The following STS variants were observed in gnomAD, a reference collection of about 807,000 sequenced individuals.
STS encodes steryl-sulfatase.
Under a neutral mutation model 26.8 loss-of-function variants are expected in STS, and 7 were observed. That is an observed-to-expected ratio of 0.26 (90% CI 0.15 to 0.49). The LOEUF (loss-of-function observed/expected upper bound fraction) is 0.49, where lower values mean the gene tolerates loss of function less well. Ranked by LOEUF, STS falls within the 20% of genes least tolerant of loss-of-function variation. STS has a pLI of 0.98. For synonymous variants in STS, 199 were observed against 189.4 expected (o/e 1.05, Z -0.42); for missense variants, 434 against 465.6 (o/e 0.93, Z 0.63).
chrX:7,185,221 C>T (rs1404049079), intron 1 of STS, among the ~76,000 whole-genome samples: 2 of 112,767 alleles, frequency 1.8e-5, no homozygotes, highest in African/African-American at 6.4e-5. Flanking sequence ...AACTGTCTTA[C>T]CCACTCATTC....
chrX:7,282,035 A>C lies in STS; in HGVS notation c.943+5948A>C, dbSNP rs1343547847. Among the ~76,000 whole-genome samples the C allele has an allele frequency of 2.7e-5, 3 of 112,593 alleles. No individual in the cohort carries two copies. In the East Asian group the frequency reaches 8.4e-4, roughly 31 times the overall value. Reference sequence around the variant, plus strand: ...AACGCAGATTAATTGGAGAAAAGTCATAAAAACTATATTAACCTGCACACA... The same window carrying C: ...AACGCAGATTAATTGGAGAAAAGTCCTAAAAACTATATTAACCTGCACACA... On this transcript the variant is annotated intron_variant, in intron 7 of 10. Coordinates refer to ENST00000674429, the MANE Select transcript of STS (RefSeq NM_001320752.2).
chrX:7,325,592 C>T, intron 9 of STS, 94 bp downstream of exon 9: 1 of 1,017,864 alleles, frequency 9.8e-7, no homozygotes, highest in Non-Finnish European at 1.4e-6. Context: ...GGGACCAAGG[C>T]CTTTGGCCCC....
chrX:7,276,108 T>A, intron 7 of STS, 21 bp downstream of exon 7: 1 of 1,207,483 alleles, frequency 8.3e-7, no homozygotes, highest in African/African-American at 1.7e-5. Context: ...CCTCAGTGAG[T>A]GCTTAGAAAG....
intron 6 of STS, among the ~76,000 whole-genome samples, chrX:7,266,544 A>G (rs922373818): frequency 1.8e-5 from 2 of 112,063 alleles, no homozygotes; most frequent in Non-Finnish European, 3.8e-5. Context: ...GGATAAATTT[A>G]TCTGGGGGAG....
intron 8 of STS, among the ~76,000 whole-genome samples, chrX:7,324,156 A>G (rs1268966210): frequency 9.4e-6 from 1 of 106,633 alleles, no homozygotes; most frequent in Non-Finnish European, 1.9e-5. Flanking sequence ...AGGTAGCATG[A>G]GTCAAAATCG....
chrX:7,327,885 TAGTC>T (rs1927557479), intron 9 of STS, among the ~76,000 whole-genome samples: 1 of 112,270 alleles, frequency 8.9e-6, no homozygotes, highest in African/African-American at 3.2e-5. Flanking sequence ...TTTGAGGTAG[TAGTC>T]AGATGTACAT....
chrX:7,253,250 C>T lies in STS; in HGVS notation c.51C>T (p.His17=), dbSNP rs150925355. ...TCTTTCTGTGGGAAGCCGAGAGCCA[C>T]GCAGCATCAAGGCCGAACATCATCC... The part of the protein sequence containing the change: ...LLFFLWEAES[H]AASRPNIILV... Residue 17 remains histidine (H), a synonymous_variant, in exon 3 of 11, where the codon CAC becomes CAT. Coordinates refer to ENST00000674429, the MANE Select transcript of STS (RefSeq NM_001320752.2). 20 of 1,209,430 alleles carry T rather than the reference C, an allele frequency of 1.7e-5. No individual in the cohort carries two copies. Among genetic ancestry groups the T allele is most frequent in the African/African-American group, 1.2e-4 (7 of 57,082 alleles).
At chrX:7,303,652 A>T (rs1926079796) in intron 7 of STS, among the ~76,000 whole-genome samples, 1 of 111,590 alleles carries the variant, frequency 9.0e-6, no homozygotes, top group Non-Finnish European at 1.9e-5. Flanking sequence ...GTATGCACTG[A>T]CTTATTAAAT....
chrX:7,310,157 G>T (rs1926412306), intron 8 of STS, among the ~76,000 whole-genome samples: 1 of 112,057 alleles, frequency 8.9e-6, no homozygotes, highest in African/African-American at 3.2e-5. Context: ...ATGTGATTAT[G>T]ATTTTCATAG....
At chrX:7,273,723 A>G (rs1344490410) in intron 6 of STS, among the ~76,000 whole-genome samples, 3 of 111,529 alleles carry the variant, frequency 2.7e-5, no homozygotes, top group African/African-American at 9.8e-5. Flanking sequence ...TTGGGTCTTC[A>G]TTCTCAAGGC....
chrX:7,170,084 G>T, intron 1 of STS, among the ~76,000 whole-genome samples: 1 of 111,661 alleles, frequency 9.0e-6, no homozygotes, highest in East Asian at 2.8e-4. Flanking sequence ...TGATTAAATG[G>T]TCATATAAAG....
chrX:7,208,262 A>G (rs1470091004), intron 2 of STS, among the ~76,000 whole-genome samples: 1 of 112,100 alleles, frequency 8.9e-6, no homozygotes, highest in East Asian at 2.8e-4. Flanking sequence ...AAGAAAAGAG[A>G]TATGCTTATT....
intron 2 of STS, among the ~76,000 whole-genome samples, chrX:7,193,315 C>T (rs779978998): frequency 5.3e-5 from 6 of 112,199 alleles, no homozygotes; most frequent in East Asian, 5.6e-4. Context: ...TGATAATACA[C>T]GGGCTGGCAT....
chrX:7,276,052 A>T lies in STS; in HGVS notation c.908A>T (p.Tyr303Phe). 1.7e-6 allele frequency: 2 copies of T among 1,207,384 alleles called. No homozygotes were observed. The highest frequency in any genetic ancestry group is 3.5e-5 in the South Asian group (2 of 56,744). The change falls in exon 7 of 11, where the codon TAC becomes TTC. Residue 303 changes from tyrosine (Y) to phenylalanine (F), a missense_variant. Tyr to Phe is a conservative substitution (Grantham distance 22). Transcript: ENST00000674429. ...GCTGGCAAAAGTCAACACGGAGTCTACGGGGATGCTGTTGAGGAAATGGAC... is the reference window on the plus strand; with the variant it reads ...GCTGGCAAAAGTCAACACGGAGTCTTCGGGGATGCTGTTGAGGAAATGGAC... ...DFAGKSQHGV[Y>F]GDAVEEMDWS...
intron 8 of STS, among the ~76,000 whole-genome samples, chrX:7,318,432 A>G (rs752961026): frequency 9.0e-6 from 1 of 111,621 alleles, no homozygotes; most frequent in East Asian, 2.8e-4. Context: ...ATGTGTGATC[A>G]TGCTTCCTCC....
intron 2 of STS, among the ~76,000 whole-genome samples, chrX:7,248,567 A>G (rs1337741644): frequency 3.6e-5 from 4 of 112,423 alleles, no homozygotes; most frequent in Non-Finnish European, 7.5e-5. Context: ...AATGCAGGAT[A>G]CATGGCCTCA....
chrX:7,302,868 C>T (rs142038008), intron 7 of STS, among the ~76,000 whole-genome samples: 4,662 of 111,382 alleles, frequency 0.042, 226 homozygotes, highest in African/African-American at 0.14. Flanking sequence ...AGGATGCCTG[C>T]GGCCATTGTA....
chrX:7,252,236 T>C, intron 2 of STS: 1 of 735,570 alleles, frequency 1.4e-6, no homozygotes. Context: ...GACTTGGTTC[T>C]GGAAGTATTT....
intron 1 of STS, among the ~76,000 whole-genome samples, chrX:7,187,420 A>C (rs1300925291): frequency 8.9e-6 from 1 of 111,865 alleles, no homozygotes; most frequent in Non-Finnish European, 1.9e-5. Context: ...ACTGGACCTC[A>C]TCAGTCCTAG....
Sources: gnomAD v4.1 joint callset for allele counts (sites outside exome capture counted in the v4.1 genomes callset) on GRCh38, gnomAD v4.1.1 for gene constraint, MANE v1.5 for transcripts, NCBI Gene and HGNC (gene_info 2026-07-23, HGNC 2026-07-21) for gene names.